Variants in CSMD1 observed in about 807,000 individuals in gnomAD.
CSMD1 encodes the protein CUB and sushi domain-containing protein 1.
CSMD1 carries 213 observed loss-of-function variants against 417.5 expected under a neutral mutation model. That is an observed-to-expected ratio of 0.51 (90% CI 0.46 to 0.57). CSMD1 has a LOEUF of 0.57. CSMD1 is among the 20% of genes least tolerant of loss of function. CSMD1 has a pLI of 0.00. For synonymous variants in CSMD1, 2,862 were observed against 1,736.8 expected, an observed-to-expected ratio of 1.65 and a Z score of -16.11; for missense variants, 6,923 against 4,529.7, an observed-to-expected ratio of 1.53 and a Z score of -15.17.
At chr8:4,726,454 C>A (rs1347344081) in intron 1 of CSMD1, among the ~76,000 whole-genome samples, 1 of 152,116 alleles carries the variant, frequency 6.6e-6, no homozygotes, top group Non-Finnish European at 1.5e-5. Context: ...GCTCTTTGTG[C>A]TCCTTAAGTC....
intron 5 of CSMD1, among the ~76,000 whole-genome samples, chr8:3,777,871 C>T (rs59576286): frequency 0.014 from 2,032 of 145,420 alleles, 49 homozygotes; most frequent in African/African-American, 0.053. Context: ...CACTCCAGAC[C>T]CGCAGTCTCC....
Position 4,114,833 on chromosome 8 carries a change from C to A in CSMD1, c.416-82734G>T, listed in dbSNP as rs187421916. Among the ~76,000 whole-genome samples, 15 of 152,220 alleles carry A rather than the reference C, an allele frequency of 9.9e-5. 1 individual carries two copies. The East Asian group carries it at 2.9e-3, about 29-fold the overall frequency. On this transcript the variant is annotated intron_variant, in intron 3 of 69. Coordinates refer to ENST00000635120, the MANE Select transcript of CSMD1 (RefSeq NM_033225.6). ...CGAGAGGTAAAATTAGAAGGGGAGG[C>A]TGAAGACGTGACTGAATTGCTGCAA...
chr8:3,536,625 G>A (rs995179506), intron 10 of CSMD1, among the ~76,000 whole-genome samples: 3 of 152,322 alleles, frequency 2.0e-5, no homozygotes, highest in East Asian at 3.9e-4. Flanking sequence ...CGGTAATTCA[G>A]AAGTGTGAGC....
chr8:3,595,680 A>T (rs73660327), intron 8 of CSMD1, among the ~76,000 whole-genome samples: 1 of 152,170 alleles, frequency 6.6e-6, no homozygotes, highest in Non-Finnish European at 1.5e-5. Context: ...CCGCATTGAC[A>T]ATGAGGTGTG....
At chr8:4,066,248 T>A (rs1799241968) in intron 3 of CSMD1, among the ~76,000 whole-genome samples, 1 of 152,214 alleles carries the variant, frequency 6.6e-6, no homozygotes, top group Non-Finnish European at 1.5e-5. Context: ...TGTCTCCTGT[T>A]CCCACTGCAC....
chr8:4,833,458 C>T (rs1195155488), intron 1 of CSMD1, among the ~76,000 whole-genome samples: 1 of 152,198 alleles, frequency 6.6e-6, no homozygotes, highest in African/African-American at 2.4e-5. Flanking sequence ...CACTAGGACC[C>T]TACCTCAGCA....
chr8:4,194,554 C>G (rs1799220015), intron 3 of CSMD1, among the ~76,000 whole-genome samples: 1 of 152,108 alleles, frequency 6.6e-6, no homozygotes, highest in Non-Finnish European at 1.5e-5. Context: ...ATGTTGGCAA[C>G]AGCAAATAAA....
At chr8:4,964,611 C>G (rs1809731321) in intron 1 of CSMD1, among the ~76,000 whole-genome samples, 2 of 151,274 alleles carry the variant, frequency 1.3e-5, no homozygotes, top group Non-Finnish European at 2.9e-5. Context: ...AATCAATGAC[C>G]CTGAAGCAGG....
At chr8:3,249,450 C>G (rs994759040) in intron 26 of CSMD1, among the ~76,000 whole-genome samples, 1 of 152,160 alleles carries the variant, frequency 6.6e-6, no homozygotes, top group African/African-American at 2.4e-5. Context: ...CCTTGAACTC[C>G]TGACCTTGGG....
intron 1 of CSMD1, among the ~76,000 whole-genome samples, chr8:4,917,923 A>G (rs945769037): frequency 6.6e-6 from 1 of 152,320 alleles, no homozygotes; most frequent in Non-Finnish European, 1.5e-5. Flanking sequence ...TAAGGCATTT[A>G]CAATCAGAAG....
At chr8:3,148,004 A>C (rs1201758852) in intron 40 of CSMD1, among the ~76,000 whole-genome samples, 2 of 152,126 alleles carry the variant, frequency 1.3e-5, no homozygotes, top group Non-Finnish European at 2.9e-5. Flanking sequence ...TCCTGGTAAG[A>C]TATTTTTTGT....
chr8:4,177,886 G>A (rs922648422), intron 3 of CSMD1, among the ~76,000 whole-genome samples: 1 of 151,822 alleles, frequency 6.6e-6, no homozygotes, highest in Non-Finnish European at 1.5e-5. Context: ...CCAGGAAGAA[G>A]TTAAATCTCT....
chr8:3,813,430 A>G (rs1801195634), intron 5 of CSMD1, among the ~76,000 whole-genome samples: 1 of 152,150 alleles, frequency 6.6e-6, no homozygotes, highest in Non-Finnish European at 1.5e-5. Context: ...TAAAAGAACT[A>G]TTTTAATTAA....
intron 6 of CSMD1, among the ~76,000 whole-genome samples, chr8:3,750,460 A>G (rs2129052967): frequency 6.6e-6 from 1 of 151,850 alleles, no homozygotes; most frequent in South Asian, 2.1e-4. Flanking sequence ...CACTATAATT[A>G]TTATTGTTGT....
intron 3 of CSMD1, among the ~76,000 whole-genome samples, chr8:4,059,811 A>T (rs1009196443): frequency 1.3e-5 from 2 of 151,228 alleles, no homozygotes; most frequent in African/African-American, 4.9e-5. Flanking sequence ...ATAGCTTACC[A>T]ACCAAAAAGA....
At chr8:4,471,170 T>A (rs1800509233) in intron 2 of CSMD1, among the ~76,000 whole-genome samples, 2 of 152,204 alleles carry the variant, frequency 1.3e-5, no homozygotes, top group African/African-American at 2.4e-5. Flanking sequence ...CAGGCCTTAC[T>A]GGATTTAATT....
At chr8:3,172,760 G>A (rs542363840) in intron 37 of CSMD1, among the ~76,000 whole-genome samples, 22 of 152,134 alleles carry the variant, frequency 1.4e-4, no homozygotes, top group Admixed American at 8.5e-4. Flanking sequence ...ACCAAACATC[G>A]TCTCCCATGA....
At chr8:4,469,105 G>A (rs533580408) in intron 2 of CSMD1, among the ~76,000 whole-genome samples, 1 of 152,120 alleles carries the variant, frequency 6.6e-6, no homozygotes, top group African/African-American at 2.4e-5. Flanking sequence ...TGAAGAGTTT[G>A]GTGTGGCCTC....
intron 27 of CSMD1, among the ~76,000 whole-genome samples, chr8:3,228,800 C>T (rs1376094462): frequency 1.3e-5 from 2 of 151,974 alleles, no homozygotes; most frequent in African/African-American, 2.4e-5. Flanking sequence ...AAAACCCTTT[C>T]CTACTGTAAA....
Sources: allele counts gnomAD v4.1 joint callset (sites outside exome capture counted in the v4.1 genomes callset), GRCh38; gene constraint gnomAD v4.1.1; transcripts MANE v1.5; gene names NCBI Gene and HGNC (gene_info 2026-07-23, HGNC 2026-07-21).